The following KLK3 variants were observed in gnomAD, a reference collection of about 807,000 sequenced individuals.
The protein encoded by KLK3 is kallikrein related peptidase 3, also known as prostate-specific antigen.
In KLK3, 23 loss-of-function variants were observed where a neutral mutation model predicts 27.7. The ratio of observed to expected loss-of-function variants is 0.83; its 90% CI spans 0.60 to 1.17. KLK3 has a LOEUF of 1.17. Ranked by LOEUF, KLK3 falls within the 50% of genes most tolerant of loss-of-function variation. The probability of loss-of-function intolerance (pLI) is 0.00; values close to 1 mark genes in which losing one functional copy is unlikely to be tolerated. For missense variants in KLK3, 322 were observed against 338.1 expected, an observed-to-expected ratio of 0.95 and a Z score of 0.37; for synonymous variants, 142 against 134.2, an observed-to-expected ratio of 1.06 and a Z score of -0.40.
intron 1 of KLK3, chr19:50,855,232 A>T: frequency 1.8e-6 from 1 of 549,292 alleles, no homozygotes; most frequent in Non-Finnish European, 3.2e-6. Context: ...CTTTCTCCCC[A>T]TTGCCCAGCC....
rs191588971 is a variant in KLK3 at position 50,858,571 on chromosome 19, G to T, written c.606G>T (p.Trp202Cys). Residue 202 changes from tryptophan to cysteine, a missense_variant, in exon 4 of 5, where the codon TGG becomes TGT. Physicochemically the swap from Trp to Cys is radical, Grantham distance 215. Transcript: ENST00000326003. ...VTKFMLCAGR[W>C]TGGKSTCSGD... ...AGTTCATGCTGTGTGCTGGACGCTG[G>T]ACAGGGGGCAAAAGCACCTGCTCGG... The T allele has an allele frequency of 9.3e-6, 15 of 1,614,204 alleles. No homozygotes were observed. The Admixed American group carries it at 2.5e-4, about 27-fold the overall frequency.
intron 1 of KLK3, chr19:50,856,002 A>G: frequency 3.9e-6 from 2 of 512,234 alleles, no homozygotes; most frequent in Admixed American, 3.5e-5. Context: ...CCTGGGTTCA[A>G]CTCTGCTCCC....
At chr19:50,856,049 C>T (rs2090144587) in intron 1 of KLK3, 191 bp from the exon 2 acceptor site, 2 of 581,994 alleles carry the variant, frequency 3.4e-6, no homozygotes, top group South Asian at 2.1e-5. Flanking sequence ...CAGCCACCAA[C>T]CTGCAAACCT....
chr19:50,857,936 T>C, intron 2 of KLK3, 93 bp from the exon 3 acceptor site: 1 of 1,356,754 alleles, frequency 7.4e-7, no homozygotes, highest in Non-Finnish European at 1.0e-6. Flanking sequence ...CACTGTTTCT[T>C]TTTCTCTTTT....
At chr19:50,857,512 A>G (rs266877) in intron 2 of KLK3, 146,434 of 155,320 alleles carry the variant, frequency 0.94, 69,217 homozygotes, top group African/African-American at 0.98. Context: ...TCCCCTCCCC[A>G]GCGGTCCCCA....
intron 2 of KLK3, chr19:50,856,721 C>T: frequency 3.4e-6 from 1 of 295,286 alleles, no homozygotes; most frequent in South Asian, 4.7e-5. Flanking sequence ...CATATCTCCC[C>T]CTCTCTCTGT....
intron 4 of KLK3, chr19:50,859,070 G>A (rs377466753): frequency 8.4e-4 from 177 of 210,224 alleles, no homozygotes; most frequent in African/African-American, 3.8e-3. Flanking sequence ...AACACCTGCC[G>A]CAGGGGAGGG....
intron 1 of KLK3, 164 bp from the exon 2 acceptor site, chr19:50,856,076 A>G (rs1371570786): frequency 3.2e-6 from 2 of 619,512 alleles, no homozygotes; most frequent in Non-Finnish European, 2.8e-6. Context: ...GATTGACAGA[A>G]TTCCCAGCCT....
In KLK3 at chr19:50,858,480, A is replaced by C; in HGVS notation, c.515A>C (p.Gln172Pro). The C allele has an allele frequency of 6.2e-7, 1 of 1,614,198 alleles. No individual in the cohort carries two copies. Among genetic ancestry groups the C allele is most frequent in the East Asian group, 2.2e-5 (1 of 44,880 alleles). Residue 172 changes from glutamine (Q) to proline (P), a missense_variant, in exon 4 of 5, where the codon CAG becomes CCG. Transcript: ENST00000326003. The part of the protein sequence containing the change: ...PEEFLTPKKL[Q>P]CVDLHVISND... ...GTAGTCTTGACCCCAAAGAAACTTC[A>C]GTGTGTGGACCTCCATGTTATTTCC...
rs1428156259 is a variant in KLK3 at position 50,860,008 on chromosome 19, C to T, written c.667C>T (p.Leu223Phe). The change falls in exon 5 of 5, where the codon CTT (leucine) becomes TTT (phenylalanine). Residue 223 changes from leucine (L) to phenylalanine (F), a missense_variant. Leu to Phe is a conservative substitution (Grantham distance 22). Coordinates refer to ENST00000326003, the MANE Select transcript of KLK3 (RefSeq NM_001648.2). ...GGGCCCACTTGTCTGTAATGGTGTGCTTCAAGGTATCACGTCATGGGGCAG... is the reference window on the plus strand; with the variant it reads ...GGGCCCACTTGTCTGTAATGGTGTGTTTCAAGGTATCACGTCATGGGGCAG... ...SGGPLVCNGV[L>F]QGITSWGSEP... 1.9e-6 allele frequency: 3 copies of T among 1,613,958 alleles called. No homozygotes were observed. Among genetic ancestry groups the T allele is most frequent in the Admixed American group, 1.7e-5 (1 of 59,990 alleles).
chr19:50,856,209 T>C (rs771365892), intron 1 of KLK3, 31 bp from the exon 2 acceptor site: 7 of 1,595,576 alleles, frequency 4.4e-6, no homozygotes, highest in East Asian at 2.2e-5. Flanking sequence ...CTGTCAACCC[T>C]GATTCCCCTG....
At chr19:50,857,968 T>C (rs2090159428) in intron 2 of KLK3, 61 bp from the exon 3 acceptor site, 3 of 1,521,928 alleles carry the variant, frequency 2.0e-6, no homozygotes, top group South Asian at 2.5e-5. Flanking sequence ...CTTGCTCCTC[T>C]GTCCCTTCTC....
In KLK3 at chr19:50,859,085, G is replaced by T. The variant is rs1282383347; in HGVS notation, c.630+490G>T. The T allele has an allele frequency of 3.9e-5, 8 of 202,816 alleles. No individual in the cohort carries two copies. The East Asian group carries it at 5.9e-4, about 15-fold the overall frequency. 12.6% of individuals were successfully genotyped at this position (202,816 alleles called of 1,614,324 possible). On this transcript the variant is annotated intron_variant, in intron 4 of 4. Transcript: ENST00000326003. The stretch of plus-strand genomic sequence containing the variant: ...AACACCTGCCGCAGGGGAGGGGAGG[G>T]CCCTGCGGCACCTGGGGGAGCAGAG...
At chr19:50,859,239 C>T (rs1336164779) in intron 4 of KLK3, among the ~76,000 whole-genome samples, 11 of 152,124 alleles carry the variant, frequency 7.2e-5, no homozygotes, top group Admixed American at 7.2e-4. Flanking sequence ...CCTGCAGGGC[C>T]TCACCTGGGC....
In KLK3 at chr19:50,858,703, C is replaced by T. The variant is rs568722732; in HGVS notation, c.630+108C>T. Reference sequence around the variant, plus strand: ...GGCGTCTGCCTCCCCTGCTCCCCAGCTGTAGCCATGCCACCTCCCCGTGTC... The same window carrying T: ...GGCGTCTGCCTCCCCTGCTCCCCAGTTGTAGCCATGCCACCTCCCCGTGTC... On this transcript the variant is annotated intron_variant, in intron 4 of 4. Transcript: ENST00000326003. The T allele has an allele frequency of 1.9e-4, 244 of 1,281,772 alleles. No individual in the cohort carries two copies. The African/African-American group carries it at 3.4e-3, about 18-fold the overall frequency. 79.4% of individuals were successfully genotyped at this position (1,281,772 alleles called of 1,614,324 possible). A position where few individuals can be genotyped will look rare whatever the true frequency, so the allele number is the denominator to read the frequency against.
chr19:50,854,921 A>C lies in KLK3; in HGVS notation c.-35A>C, dbSNP rs780950315. On this transcript the variant is annotated 5_prime_UTR_variant, in exon 1 of 5. Coordinates refer to ENST00000326003, the MANE Select transcript of KLK3 (RefSeq NM_001648.2). ...CTCCTGGGGGAGGCTCCCCAGCCCCAAGCTTACCACCTGCACCCGGAGAGC... is the reference window on the plus strand; with the variant it reads ...CTCCTGGGGGAGGCTCCCCAGCCCCCAGCTTACCACCTGCACCCGGAGAGC... 6.2e-7 allele frequency: 1 copy of C among 1,613,124 alleles called. No individual in the cohort carries two copies. The highest frequency in any genetic ancestry group is 8.5e-7 in the Non-Finnish European group (1 of 1,179,444).
Position 50,858,049 on chromosome 19 carries a change from G to A in KLK3, c.227G>A (p.Gly76Asp), listed in dbSNP as rs891960228. The A allele has an allele frequency of 1.2e-6, 2 of 1,611,968 alleles. No homozygotes were observed. Among genetic ancestry groups the A allele is most frequent in the African/African-American group, 2.7e-5 (2 of 74,882 alleles). Residue 76 changes from glycine (G) to aspartate (D), a missense_variant, in exon 3 of 5, where the codon GGT (glycine) becomes GAT (aspartate). By Grantham distance (94) the Gly-to-Asp change is moderately conservative (BLOSUM62 -1). Transcript: ENST00000326003. ...CIRNKSVILL[G>D]RHSLFHPEDT... is the part of the protein sequence containing the mutation. ...CCCAGCAAAAGCGTGATCTTGCTGG[G>A]TCGGCACAGCCTGTTTCATCCTGAA...
Position 50,858,260 on chromosome 19 carries a change from A to T in KLK3, c.438A>T (p.Pro146=). 6.2e-7 allele frequency: 1 copy of T among 1,614,202 alleles called. No homozygotes were observed. The highest frequency in any genetic ancestry group is 1.3e-5 in the African/African-American group (1 of 75,062). ...TCATGGACCTGCCCACCCAGGAGCC[A>T]GCACTGGGGACCACCTGCTACGCCT... ...VKVMDLPTQE[P]ALGTTCYASG... The change falls in exon 3 of 5, where the codon CCA becomes CCT. Residue 146 remains proline (P), a synonymous_variant. Coordinates refer to ENST00000326003, the MANE Select transcript of KLK3 (RefSeq NM_001648.2).
chr19:50,860,307 CCT>C lies in KLK3; in HGVS notation c.*185_*186del. On this transcript the variant is annotated 3_prime_UTR_variant, in exon 5 of 5. Coordinates refer to ENST00000326003, the MANE Select transcript of KLK3 (RefSeq NM_001648.2). ...TGTTTCTTAAATGGTGTAATTTTGT[CCT>C]CTCTGTGTCCTGGGGAATACTGGCC... is the stretch of plus-strand genomic sequence containing the variant. 1.9e-6 allele frequency: 1 copy of C among 530,222 alleles called. No individual in the cohort carries two copies. 32.8% of individuals were successfully genotyped at this position (530,222 alleles called of 1,614,324 possible).
Sources: allele counts gnomAD v4.1 joint callset (sites outside exome capture counted in the v4.1 genomes callset), GRCh38; gene constraint gnomAD v4.1.1; transcripts MANE v1.5; gene names NCBI Gene and HGNC (gene_info 2026-07-23, HGNC 2026-07-21).